Variants in ASPH observed in about 807,000 individuals in gnomAD.
ASPH encodes aspartyl/asparaginyl beta-hydroxylase.
In ASPH, 100 loss-of-function variants were observed where a neutral mutation model predicts 118.4. That is an observed-to-expected ratio of 0.84 (90% confidence interval 0.72 to 1.00). ASPH has a LOEUF of 1.00. Ranked by LOEUF, ASPH falls within the 50% of genes least tolerant of loss-of-function variation. ASPH has a pLI of 0.00. For synonymous variants in ASPH, 315 were observed against 325.6 expected, an observed-to-expected ratio of 0.97 and a Z score of 0.35; for missense variants, 920 against 919.5, an observed-to-expected ratio of 1.00 and a Z score of -0.01.
At chr8:61,615,108 A>G (rs1456427050) in intron 14 of ASPH, among the ~76,000 whole-genome samples, 3 of 152,246 alleles carry the variant, frequency 2.0e-5, no homozygotes, top group Admixed American at 1.3e-4. Context: ...TCGAAAGCCT[A>G]TGTGATTTGA....
chr8:61,576,938 G>C, intron 15 of ASPH, 80 bp from the exon 16 acceptor site: 1 of 1,263,540 alleles, frequency 7.9e-7, no homozygotes, highest in South Asian at 1.5e-5. Context: ...TATTCAGCAA[G>C]TGGTTTTGTC....
intron 21 of ASPH, among the ~76,000 whole-genome samples, chr8:61,539,069 C>T (rs931369198): frequency 1.3e-5 from 2 of 151,836 alleles, no homozygotes; most frequent in Non-Finnish European, 2.9e-5. Flanking sequence ...TGGTGAAACC[C>T]GTCTCTACTA....
At chr8:61,546,092 G>A (rs1044957233) in intron 21 of ASPH, among the ~76,000 whole-genome samples, 6 of 152,124 alleles carry the variant, frequency 3.9e-5, no homozygotes, top group East Asian at 1.9e-4. Context: ...GGCCATTTAC[G>A]GCTGGGGTGG....
intron 14 of ASPH, 141 bp downstream of exon 14, chr8:61,618,837 G>C: frequency 1.5e-6 from 1 of 669,902 alleles, no homozygotes; most frequent in Non-Finnish European, 2.4e-6. Context: ...AGTGTTCTTT[G>C]ATAAATCATT....
chr8:61,705,759 T>G (rs1836451351), intron 1 of ASPH, among the ~76,000 whole-genome samples: 1 of 152,054 alleles, frequency 6.6e-6, no homozygotes, highest in Non-Finnish European at 1.5e-5. Flanking sequence ...ATTCACTACG[T>G]GAAAATTTTA....
intron 22 of ASPH, among the ~76,000 whole-genome samples, chr8:61,519,342 T>G (rs201825902): frequency 6.6e-6 from 1 of 152,224 alleles, no homozygotes; most frequent in Non-Finnish European, 1.5e-5. Context: ...GGCTATAAGG[T>G]TCATCTGCAA....
At position 61,501,212 on chromosome 8, in the gene ASPH, G is replaced by T. The variant is rs918003686; in HGVS notation, c.*2147C>A. The stretch of plus-strand genomic sequence containing the variant: ...TGTACCAAGACATAGATAGGTAAGA[G>T]AAATAAAGAATTGAAGTGAATTAGA... On this transcript the variant is annotated 3_prime_UTR_variant, in exon 25 of 25. Transcript: ENST00000379454. 11 of 147,086 alleles carry T rather than the reference G, an allele frequency of 7.5e-5. No homozygotes were observed. The highest frequency in any genetic ancestry group is 1.1e-4 in the Non-Finnish European group (7 of 64,784). The allele number at this position is 147,086 out of a possible 1,614,324, so 9.1% of individuals were successfully genotyped here.
At chr8:61,525,934 C>T (rs1404407077) in intron 22 of ASPH, 43 bp downstream of exon 22, 14 of 1,610,702 alleles carry the variant, frequency 8.7e-6, no homozygotes, top group Non-Finnish European at 1.2e-5. Context: ...CACTTCCCAT[C>T]AGGTTTGGGC....
intron 19 of ASPH, among the ~76,000 whole-genome samples, chr8:61,555,546 GCCACCCAAAGTGCT>G (rs1276513014): frequency 6.6e-6 from 1 of 152,076 alleles, no homozygotes; most frequent in Non-Finnish European, 1.5e-5. Context: ...ACCCACCTTG[GCCACCCAAAGTGCT>G]GGGATTACAG....
At chr8:61,666,731 G>A (rs1017687939) in intron 3 of ASPH, among the ~76,000 whole-genome samples, 2 of 152,080 alleles carry the variant, frequency 1.3e-5, no homozygotes, top group African/African-American at 4.8e-5. Context: ...AGATTCTTCA[G>A]TTCTTCCTAA....
chr8:61,559,647 G>T (rs1164663124), intron 18 of ASPH, among the ~76,000 whole-genome samples: 4 of 152,050 alleles, frequency 2.6e-5, no homozygotes, highest in Non-Finnish European at 5.9e-5. Context: ...AGATTTTCTG[G>T]CAGTTAAATA....
chr8:61,569,032 G>A (rs2131797197), intron 16 of ASPH, among the ~76,000 whole-genome samples: 1 of 152,298 alleles, frequency 6.6e-6, no homozygotes, highest in East Asian at 1.9e-4. Flanking sequence ...TTAGAGGGAT[G>A]TCCTTCAGCA....
At position 61,595,602 on chromosome 8, in the gene ASPH, T is replaced by C. The variant is rs529994224; in HGVS notation, c.977-11573A>G. ...TGAAACAATGGCTTGTGAGAAACTG[T>C]ATATCAGGTAATAAAGGTCAGTGAT... On this transcript the variant is annotated intron_variant, in intron 14 of 24. Transcript: ENST00000379454. Among the ~76,000 whole-genome samples the C allele has an allele frequency of 4.9e-3, 744 of 152,340 alleles. 4 individuals carry two copies. The highest frequency in any genetic ancestry group is 6.4e-3 in the Non-Finnish European group (437 of 68,036).
chr8:61,629,270 A>G (rs1854459510), intron 13 of ASPH, among the ~76,000 whole-genome samples: 1 of 152,236 alleles, frequency 6.6e-6, no homozygotes, highest in African/African-American at 2.4e-5. Context: ...CTGGCAGGGT[A>G]TAACAGAAAA....
At chr8:61,620,412 C>T (rs1314555676) in intron 13 of ASPH, among the ~76,000 whole-genome samples, 3 of 43,964 alleles carry the variant, frequency 6.8e-5, no homozygotes, top group Non-Finnish European at 1.4e-4. Flanking sequence ...TTGACTTTTG[C>T]AAAGAGTTGA....
chr8:61,527,110 A>T (rs910353626), intron 21 of ASPH, among the ~76,000 whole-genome samples: 2 of 152,242 alleles, frequency 1.3e-5, no homozygotes, highest in Non-Finnish European at 2.9e-5. Flanking sequence ...TCAGGGGCAG[A>T]TCTATTTTCA....
intron 1 of ASPH, among the ~76,000 whole-genome samples, chr8:61,687,178 A>C (rs529182407): frequency 6.6e-6 from 1 of 152,278 alleles, no homozygotes; most frequent in African/African-American, 2.4e-5. Context: ...CTCCATTTCT[A>C]TCTCTCTTAA....
At chr8:61,634,411 C>T (rs1485636316) in intron 12 of ASPH, among the ~76,000 whole-genome samples, 4 of 66,718 alleles carry the variant, frequency 6.0e-5, no homozygotes, top group Non-Finnish European at 1.0e-4. Context: ...CAATCTTTGG[C>T]CAAAAGAAAG....
chr8:61,558,114 G>GATTTAGAAGTAGACAA (rs1263572979), intron 18 of ASPH, among the ~76,000 whole-genome samples: 1 of 152,210 alleles, frequency 6.6e-6, no homozygotes, highest in Non-Finnish European at 1.5e-5. Context: ...GAGGGAGACA[G>GATTTAGAAGTAGACAA]ATTTAGAAGT....
Sources: gnomAD v4.1 joint callset for allele counts (sites outside exome capture counted in the v4.1 genomes callset) on GRCh38, gnomAD v4.1.1 for gene constraint, MANE v1.5 for transcripts, NCBI Gene and HGNC (gene_info 2026-07-23, HGNC 2026-07-21) for gene names.